CACNA1D: variants seen among roughly 807,000 people sequenced by gnomAD.
CACNA1D encodes voltage-dependent L-type calcium channel subunit alpha-1D.
In CACNA1D, 55 loss-of-function variants were observed where a neutral mutation model predicts 257.1. The ratio of observed to expected loss-of-function variants is 0.21; its 90% CI spans 0.17 to 0.27. CACNA1D has a LOEUF of 0.27. CACNA1D is among the 10% of genes least tolerant of loss of function. The pLI is 1.00. For missense variants in CACNA1D, 1,876 were observed against 2,784.0 expected, an observed-to-expected ratio of 0.67 and a Z score of 7.34; for synonymous variants, 980 against 1,014.9, an observed-to-expected ratio of 0.97 and a Z score of 0.65.
intron 3 of CACNA1D, among the ~76,000 whole-genome samples, chr3:53,567,833 G>A (rs1424113697): frequency 6.6e-6 from 1 of 152,218 alleles, no homozygotes; most frequent in Non-Finnish European, 1.5e-5. Context: ...GGCTGGATGG[G>A]CTTAGGCAGA....
chr3:53,638,688 C>T (rs2093914319), intron 3 of CACNA1D, among the ~76,000 whole-genome samples: 1 of 152,340 alleles, frequency 6.6e-6, no homozygotes, highest in South Asian at 2.1e-4. Context: ...TTGCCCAAGT[C>T]TGCATAGCTA....
intron 3 of CACNA1D, among the ~76,000 whole-genome samples, chr3:53,619,477 G>A (rs1271203901): frequency 6.6e-6 from 1 of 152,236 alleles, no homozygotes; most frequent in Non-Finnish European, 1.5e-5. Context: ...TGGATATGCA[G>A]CAACCAAGCA....
At position 53,747,336 on chromosome 3, in the gene CACNA1D, G is replaced by T; in HGVS notation, c.3202G>T (p.Asp1068Tyr). 6.2e-7 allele frequency: 1 copy of T among 1,614,066 alleles called. No homozygotes were observed. Among genetic ancestry groups the T allele is most frequent in the East Asian group, 2.2e-5 (1 of 44,870 alleles). The change falls in exon 26 of 48, where the codon GAC becomes TAC. Residue 1068 changes from aspartate (D) to tyrosine (Y), a missense_variant. By Grantham distance (160) the Asp-to-Tyr change is radical. This residue lies in a region of CACNA1D where 271 missense variants were observed against 425.5 expected (regional missense o/e 0.64). Transcript: ENST00000350061. ...LFILYKDGDV[D>Y]SPVVRERIWQ... Reference sequence around the variant, plus strand: ...CATCCTCTACAAGGATGGGGATGTTGACAGTCCTGTGGTCCGTGAACGGAT... The same window carrying T: ...CATCCTCTACAAGGATGGGGATGTTTACAGTCCTGTGGTCCGTGAACGGAT...
At chr3:53,539,201 C>T (rs1477123641) in intron 3 of CACNA1D, among the ~76,000 whole-genome samples, 2 of 152,094 alleles carry the variant, frequency 1.3e-5, no homozygotes, top group Non-Finnish European at 2.9e-5. Flanking sequence ...CCTCCGCCTC[C>T]CGGGTTCAAG....
At chr3:53,739,114 A>G (rs1195046785) in intron 20 of CACNA1D, among the ~76,000 whole-genome samples, 1 of 152,204 alleles carries the variant, frequency 6.6e-6, no homozygotes, top group Non-Finnish European at 1.5e-5. Context: ...ATTGTGACAC[A>G]GCCCCCAGGC....
At position 53,811,081 on chromosome 3, in the gene CACNA1D, C is replaced by A. The variant is rs201624722; in HGVS notation, c.6193-32C>A. The A allele has an allele frequency of 1.0e-4, 166 of 1,590,182 alleles. 3 individuals are homozygous for A. The South Asian group carries it at 1.2e-3, about 11-fold the overall frequency. ...CCTGCCCTGCAAAGCCTTATAACAC[C>A]CCCATGCCATCCATCCCTCTTTTCT... On this transcript the variant is annotated intron_variant, in intron 47 of 47. Transcript: ENST00000350061. The surrounding 1 kb of genome is among the most constrained non-coding windows in gnomAD (Gnocchi z 4.2).
rs1437910717 is a variant in CACNA1D at position 53,746,740 on chromosome 3, GTGTCTTCATTTGTAAAA to G, written c.3168-560_3168-544del. 2.6e-5 allele frequency among the ~76,000 whole-genome samples: 4 copies of G among 152,286 alleles called. No homozygotes were observed. The East Asian group carries it at 5.8e-4, about 22-fold the overall frequency. On this transcript the variant is annotated intron_variant, in intron 25 of 47. Transcript: ENST00000350061. ...CTGTTTCTTCCCTCTTGAAGCCTCT[GTGTCTTCATTTGTAAAA>G]TAAAGATATTGCGCTTTATCTCTTG...
At chr3:53,638,838 G>C (rs901819201) in intron 3 of CACNA1D, among the ~76,000 whole-genome samples, 1 of 152,200 alleles carries the variant, frequency 6.6e-6, no homozygotes, top group East Asian at 1.9e-4. Context: ...GGGTAGGGTG[G>C]CTCCACCTCC....
chr3:53,810,682 C>T (rs1285508064), intron 47 of CACNA1D: 3 of 295,878 alleles, frequency 1.0e-5, no homozygotes, highest in Non-Finnish European at 1.9e-5. Flanking sequence ...TGCTTGAACC[C>T]GGGAGGTGGA....
intron 3 of CACNA1D, among the ~76,000 whole-genome samples, chr3:53,624,370 G>A (rs765853888): frequency 9.2e-5 from 14 of 152,226 alleles, no homozygotes; most frequent in Non-Finnish European, 2.1e-4. Context: ...AGGAGATTCA[G>A]CACATTAGCT....
intron 44 of CACNA1D, 72 bp downstream of exon 44, chr3:53,803,644 G>A (rs1219662623): frequency 6.7e-7 from 1 of 1,502,738 alleles, no homozygotes; most frequent in Non-Finnish European, 9.2e-7. Flanking sequence ...CCGGAAGCCA[G>A]GGCCACCGGC....
intron 3 of CACNA1D, among the ~76,000 whole-genome samples, chr3:53,507,267 T>TA (rs2090896413): frequency 6.6e-6 from 1 of 152,144 alleles, no homozygotes; most frequent in African/African-American, 2.4e-5. Context: ...ACAAAGGCTT[T>TA]ACTTGATTGA....
Position 53,790,088 on chromosome 3 carries a change from G to C in CACNA1D, c.4923+3136G>C, listed in dbSNP as rs536243850. 1.1e-4 allele frequency among the ~76,000 whole-genome samples: 17 copies of C among 152,204 alleles called. No individual in the cohort carries two copies. In the South Asian group the frequency reaches 3.5e-3, roughly 32 times the overall value. ...GGGAACCAGAGAGAAGCTGCATCAGGCCTTTTTTAATTTCCTCTTGCGCAT... is the reference window on the plus strand; with the variant it reads ...GGGAACCAGAGAGAAGCTGCATCAGCCCTTTTTTAATTTCCTCTTGCGCAT... On this transcript the variant is annotated intron_variant, in intron 40 of 47. Transcript: ENST00000350061.
intron 3 of CACNA1D, among the ~76,000 whole-genome samples, chr3:53,633,956 G>A (rs898416): frequency 0.63 from 95,687 of 152,126 alleles, 32,230 homozygotes; most frequent in African/African-American, 0.87. Flanking sequence ...TGTTTGCTCC[G>A]TTTTGTCTCA....
At position 53,654,964 on chromosome 3, in the gene CACNA1D, T is replaced by C. The variant is rs1018427183; in HGVS notation, c.623+4046T>C. ...GCAAGTTGCTAGATTTAAACCTAGG[T>C]AAATCCTTATTAAAATCATTATCAT... On this transcript the variant is annotated intron_variant, in intron 4 of 47. Transcript: ENST00000350061. Among the ~76,000 whole-genome samples, 7 of 152,258 alleles carry C rather than the reference T, an allele frequency of 4.6e-5. No individual in the cohort carries two copies. The East Asian group carries it at 1.3e-3, about 29-fold the overall frequency.
intron 8 of CACNA1D, among the ~76,000 whole-genome samples, chr3:53,690,433 T>C (rs2094508628): frequency 1.3e-5 from 2 of 152,260 alleles, no homozygotes; most frequent in South Asian, 2.1e-4. Flanking sequence ...TCATTTGAGC[T>C]CAGGTGGTCC....
chr3:53,617,209 G>A (rs1464983139), intron 3 of CACNA1D, among the ~76,000 whole-genome samples: 1 of 152,174 alleles, frequency 6.6e-6, no homozygotes, highest in East Asian at 1.9e-4. Flanking sequence ...ATACCTCTGT[G>A]TAGGGCTTGT....
intron 4 of CACNA1D, among the ~76,000 whole-genome samples, chr3:53,653,411 G>C (rs186183133): frequency 6.6e-6 from 1 of 152,276 alleles, no homozygotes; most frequent in Non-Finnish European, 1.5e-5. Flanking sequence ...TGAAATGACA[G>C]AGATGATGGA....
chr3:53,740,610 T>G (rs200185021), intron 21 of CACNA1D: 1 of 418,964 alleles, frequency 2.4e-6, no homozygotes, highest in South Asian at 2.6e-5. Flanking sequence ...TTTTTTTTTT[T>G]GTTTTTTAAA....
Sources: allele counts gnomAD v4.1 joint callset (sites outside exome capture counted in the v4.1 genomes callset), GRCh38; gene constraint gnomAD v4.1.1; regional missense constraint gnomAD v4.1.1; non-coding constraint Gnocchi (gnomAD v3.1); transcripts MANE v1.5; gene names NCBI Gene and HGNC (gene_info 2026-07-23, HGNC 2026-07-21).